ARAP1: variants seen among roughly 807,000 people sequenced by gnomAD.
The protein encoded by ARAP1 is arf-GAP with Rho-GAP domain, ANK repeat and PH domain-containing protein 1.
In ARAP1, 76 loss-of-function variants were observed where a neutral mutation model predicts 172.2. The observed-to-expected ratio is 0.44, with a 90% CI of 0.37 to 0.53. The LOEUF (loss-of-function observed/expected upper bound fraction) is 0.53. ARAP1 is among the 20% of genes least tolerant of loss of function. The pLI is 0.00. For missense variants in ARAP1, 1,686 were observed against 1,977.5 expected, an observed-to-expected ratio of 0.85 and a Z score of 2.80; for synonymous variants, 804 against 803.3, an observed-to-expected ratio of 1.00 and a Z score of -0.01.
Position 72,725,247 on chromosome 11 carries a change from GAGAC to G in ARAP1, c.509+1369_509+1372del, listed in dbSNP as rs1238195111. Among the ~76,000 whole-genome samples, 2 of 151,936 alleles carry G rather than the reference GAGAC, an allele frequency of 1.3e-5. No individual in the cohort carries two copies. The highest frequency in any genetic ancestry group is 2.4e-5 in the African/African-American group (1 of 41,348). Reference sequence around the variant, plus strand: ...CTTTGTTCACCCACTTCCAACCCCAGAGACAGACAGACAGACTTTCTCTTCTCTA... The same window carrying G: ...CTTTGTTCACCCACTTCCAACCCCAGAGACAGACAGACTTTCTCTTCTCTA... On this transcript the variant is annotated intron_variant, in intron 3 of 34. Transcript: ENST00000393609. This position sits in a 1 kb window ranked among gnomAD's most constrained non-coding sequence, Gnocchi z 4.3.
At chr11:72,712,913 C>T in intron 5 of ARAP1, 2 of 597,626 alleles carry the variant, frequency 3.3e-6, no homozygotes, top group Admixed American at 6.0e-5. Context: ...GAGTTCCTAA[C>T]ACACAGGGTG....
intron 1 of ARAP1, among the ~76,000 whole-genome samples, chr11:72,748,325 T>G (rs1043270666): frequency 1.3e-5 from 2 of 151,972 alleles, no homozygotes; most frequent in African/African-American, 2.4e-5. Context: ...TTCAAGATCA[T>G]CCTGGCCAAC....
chr11:72,739,748 C>T (rs1346723833), intron 1 of ARAP1, among the ~76,000 whole-genome samples: 1 of 152,204 alleles, frequency 6.6e-6, no homozygotes, highest in African/African-American at 2.4e-5. Context: ...CAGTCACTTC[C>T]TGTCCCTAGC....
At chr11:72,697,785 A>G in intron 19 of ARAP1, 126 bp downstream of exon 19, 1 of 1,502,546 alleles carries the variant, frequency 6.7e-7, no homozygotes, top group Non-Finnish European at 9.0e-7. Context: ...CCCCAAGGAC[A>G]TGAGAGGGCA....
chr11:72,709,950 G>C lies in ARAP1; in HGVS notation c.1443C>G (p.Thr481=). ...LEEYHLGIGI[T]FIDMSVGNVK... is the part of the protein sequence containing the mutation. ...CGTTGCCCACGCTCATGTCGATGAA[G>C]GTGATGCCAATGCCCAGGTGGTACT... is the stretch of plus-strand genomic sequence containing the variant. The change falls in exon 11 of 35, where the codon ACC becomes ACG. Residue 481 remains threonine, a synonymous_variant. Coordinates refer to ENST00000393609, the MANE Select transcript of ARAP1 (RefSeq NM_001040118.3). The C allele has an allele frequency of 6.2e-7, 1 of 1,614,118 alleles. No homozygotes were observed. The highest frequency in any genetic ancestry group is 2.2e-5 in the East Asian group (1 of 44,876).
intron 1 of ARAP1, among the ~76,000 whole-genome samples, chr11:72,734,750 G>A (rs1857962593): frequency 1.3e-5 from 2 of 151,698 alleles, no homozygotes; most frequent in South Asian, 4.1e-4. Context: ...GCAGCCAGCA[G>A]TAGCCACACG....
chr11:72,715,261 G>A lies in ARAP1; in HGVS notation c.510-940C>T, dbSNP rs191076250. Among the ~76,000 whole-genome samples, 328 of 152,358 alleles carry A rather than the reference G, an allele frequency of 2.2e-3. 1 individual carries two copies. The highest frequency in any genetic ancestry group is 7.7e-3 in the African/African-American group (319 of 41,580). ...TCATGTGCCAGTGCACAGGATGCACGGGGACTACAGGCTGGAACAAGGTGC... is the reference window on the plus strand; with the variant it reads ...TCATGTGCCAGTGCACAGGATGCACAGGGACTACAGGCTGGAACAAGGTGC... On this transcript the variant is annotated intron_variant, in intron 3 of 34. Coordinates refer to ENST00000393609, the MANE Select transcript of ARAP1 (RefSeq NM_001040118.3).
At chr11:72,734,760 G>A (rs1233970103) in intron 1 of ARAP1, among the ~76,000 whole-genome samples, 4 of 151,558 alleles carry the variant, frequency 2.6e-5, no homozygotes. Context: ...GTAGCCACAC[G>A]TGGCTGTTGG....
chr11:72,746,678 C>G (rs1468538936), intron 1 of ARAP1, among the ~76,000 whole-genome samples: 1 of 151,772 alleles, frequency 6.6e-6, no homozygotes, highest in East Asian at 1.9e-4. Context: ...CCAACCCCCT[C>G]CCCCTCTCAC....
Position 72,704,283 on chromosome 11 carries a change from C to G in ARAP1, c.1861G>C (p.Val621Leu). 4 of 1,611,650 alleles carry G rather than the reference C, an allele frequency of 2.5e-6. No homozygotes were observed. The highest frequency in any genetic ancestry group is 3.4e-6 in the Non-Finnish European group (4 of 1,178,904). Residue 621 changes from valine to leucine, a missense_variant, in exon 14 of 35, where the codon GTG (valine) becomes CTG (leucine). Val to Leu is a conservative substitution (Grantham distance 32). Around this residue, in one of 5 missense-constraint regions of ARAP1, gnomAD observed 688 missense variants for 856.9 expected, o/e 0.80. Coordinates refer to ENST00000393609, the MANE Select transcript of ARAP1 (RefSeq NM_001040118.3). ...GGCTGCAGGGCCTCACTGGGGGGCA[C>G]GTTGGCTGCCCAGAAGCGGTTCCCA... Reference protein sequence around the residue: ...GAGNRFWAANVPPSEALQPSS... With the variant: ...GAGNRFWAANLPPSEALQPSS...
chr11:72,722,187 G>A, intron 3 of ARAP1: 1 of 985,418 alleles, frequency 1.0e-6, no homozygotes. Context: ...CAGAGGGAGA[G>A]AGAGAGAGAG....
At chr11:72,712,883 GAC>G (rs1857091783) in intron 5 of ARAP1, 3 of 597,342 alleles carry the variant, frequency 5.0e-6, no homozygotes, top group Non-Finnish European at 8.9e-6. Context: ...AACAGAGACA[GAC>G]ACTCCGGGAC....
At chr11:72,739,915 C>G (rs1296554093) in intron 1 of ARAP1, among the ~76,000 whole-genome samples, 1 of 152,176 alleles carries the variant, frequency 6.6e-6, no homozygotes, top group Non-Finnish European at 1.5e-5. Context: ...CCAGACCAGA[C>G]CTGACTTCAC....
At chr11:72,747,591 G>A (rs904165365) in intron 1 of ARAP1, among the ~76,000 whole-genome samples, 4 of 152,190 alleles carry the variant, frequency 2.6e-5, no homozygotes, top group Admixed American at 1.3e-4. Flanking sequence ...GCGCCCTGCC[G>A]GGGTTCCAGG....
chr11:72,737,297 T>G (rs1272545744), intron 1 of ARAP1, among the ~76,000 whole-genome samples: 1 of 152,188 alleles, frequency 6.6e-6, no homozygotes, highest in Non-Finnish European at 1.5e-5. Flanking sequence ...GCCTGGAATC[T>G]CTAATCCTTG....
chr11:72,729,716 A>C (rs1427615158), intron 2 of ARAP1, among the ~76,000 whole-genome samples: 8 of 151,980 alleles, frequency 5.3e-5, no homozygotes. Context: ...CCAGGAGTTT[A>C]AGACCAGCCT....
At chr11:72,703,694 G>A (rs757608891) in intron 14 of ARAP1, among the ~76,000 whole-genome samples, 6 of 152,246 alleles carry the variant, frequency 3.9e-5, no homozygotes, top group Non-Finnish European at 7.3e-5. Flanking sequence ...TCCCACTCAG[G>A]CAGAGCCAGA....
chr11:72,697,962 G>A lies in ARAP1; in HGVS notation c.2686C>T (p.Pro896Ser), dbSNP rs1856292656. 4 of 1,612,016 alleles carry A rather than the reference G, an allele frequency of 2.5e-6. No homozygotes were observed. In the East Asian group the frequency reaches 8.9e-5, roughly 36 times the overall value. The change falls in exon 19 of 35, where the codon CCG becomes TCG. Residue 896 changes from proline to serine, a missense_variant. By Grantham distance (74) the Pro-to-Ser change is moderately conservative (BLOSUM62 -1). Coordinates refer to ENST00000393609, the MANE Select transcript of ARAP1 (RefSeq NM_001040118.3). ...AGCGGCTCTTCGCAGGGCCCCTCCG[G>A]GAAGACAGCACGGAGCTCCGAGCCA... ...LSGSELRAVFPEGPCEEPLQL... is the reference protein window; with the variant it reads ...LSGSELRAVFSEGPCEEPLQL...
At position 72,693,345 on chromosome 11, in the gene ARAP1, G is replaced by A. The variant is rs764941546; in HGVS notation, c.3934C>T (p.Arg1312Trp). 9.9e-6 allele frequency: 16 copies of A among 1,613,702 alleles called. No homozygotes were observed. The East Asian group carries it at 1.1e-4, about 11-fold the overall frequency. ...CTTACCCGGACCTCCTTGTAGAGCC[G>A]CAAGCAGCTGCTGTTGAGGATGAAG... ...RYFILNSSCL[R>W]LYKEVRSQRP... Residue 1312 changes from arginine (R) to tryptophan (W), a missense_variant, in exon 29 of 35, where the codon CGG (arginine) becomes TGG (tryptophan). Around this residue, in one of 5 missense-constraint regions of ARAP1, gnomAD observed 379 missense variants for 500.1 expected, o/e 0.76. Transcript: ENST00000393609. This position sits in a 1 kb window ranked among gnomAD's most constrained non-coding sequence, Gnocchi z 4.6.
Sources: gnomAD v4.1 joint callset for allele counts (sites outside exome capture counted in the v4.1 genomes callset) on GRCh38, gnomAD v4.1.1 for gene constraint, gnomAD v4.1.1 regional missense constraint, Gnocchi (gnomAD v3.1) non-coding constraint, MANE v1.5 for transcripts, NCBI Gene and HGNC (gene_info 2026-07-23, HGNC 2026-07-21) for gene names.